CPNE5: variants seen among roughly 807,000 people sequenced by gnomAD.
The protein encoded by CPNE5 is copine-5.
In CPNE5, 42 loss-of-function variants were observed where a neutral mutation model predicts 81.1. The ratio of observed to expected loss-of-function variants is 0.52; its 90% confidence interval spans 0.40 to 0.67. The LOEUF is 0.67. Among genes scored for constraint, CPNE5 ranks in the 30% least tolerant of loss-of-function variants. The pLI, the probability that CPNE5 is intolerant of heterozygous loss-of-function variation, is 0.00. For synonymous variants in CPNE5, 313 were observed against 321.5 expected, an observed-to-expected ratio of 0.97 and a Z score of 0.28; for missense variants, 612 against 815.5, an observed-to-expected ratio of 0.75 and a Z score of 3.04.
At chr6:36,820,106 CAA>C (rs1011777201) in intron 3 of CPNE5, among the ~76,000 whole-genome samples, 2 of 152,186 alleles carry the variant, frequency 1.3e-5, no homozygotes, top group African/African-American at 4.8e-5. Context: ...CCCTCTTCTC[CAA>C]GAGAGAGGAG....
chr6:36,822,065 C>A, intron 3 of CPNE5, 49 bp downstream of exon 3: 1 of 1,473,062 alleles, frequency 6.8e-7, no homozygotes, highest in Non-Finnish European at 9.1e-7. Context: ...GACAGACAGG[C>A]AGACAGGAAC....
At chr6:36,760,631 G>T (rs1278388114) in intron 12 of CPNE5, among the ~76,000 whole-genome samples, 1 of 152,162 alleles carries the variant, frequency 6.6e-6, no homozygotes, top group Admixed American at 6.5e-5. Flanking sequence ...TGAGGGATGG[G>T]GAAGTTAAGT....
intron 3 of CPNE5, among the ~76,000 whole-genome samples, chr6:36,805,289 G>A (rs1413500270): frequency 1.3e-5 from 2 of 152,342 alleles, no homozygotes; most frequent in African/African-American, 4.8e-5. Context: ...GAGCAGGGGG[G>A]TTAACCCCTC....
rs73414224 is a variant in CPNE5 at position 36,751,281 on chromosome 6, T to C, written c.971+1753A>G. Reference sequence around the variant, plus strand: ...TCACAGCATCCAGCCCTTTAACTCATCAGTCTCCATCTTCATCCCACCCCA... The same window carrying C: ...TCACAGCATCCAGCCCTTTAACTCACCAGTCTCCATCTTCATCCCACCCCA... On this transcript the variant is annotated intron_variant, in intron 14 of 20. Transcript: ENST00000244751. Among the ~76,000 whole-genome samples, 1,324 of 152,320 alleles carry C rather than the reference T, an allele frequency of 8.7e-3. 12 individuals carry two copies. Among genetic ancestry groups the C allele is most frequent in the African/African-American group, 0.027 (1,102 of 41,562 alleles).
At chr6:36,800,270 A>T (rs764357501) in intron 3 of CPNE5, among the ~76,000 whole-genome samples, 200 bp from the exon 4 acceptor site, 1 of 152,188 alleles carries the variant, frequency 6.6e-6, no homozygotes, top group Non-Finnish European at 1.5e-5. Flanking sequence ...CATGTACAGT[A>T]TGGCTCCAAC....
rs550952766 is a variant in CPNE5 at position 36,746,757 on chromosome 6, TCTC to T, written c.1019-183_1019-181del. ...ACAGATCTAGAATCCCTCCTCCGCCTCTCCTCCTCCCCATACCACCACCCTCTT... is the reference window on the plus strand; with the variant it reads ...ACAGATCTAGAATCCCTCCTCCGCCTCTCCTCCCCATACCACCACCCTCTT... On this transcript the variant is annotated intron_variant, in intron 15 of 20. Transcript: ENST00000244751. This position sits in a 1 kb window ranked among gnomAD's most constrained non-coding sequence, Gnocchi z 4.5. Among the ~76,000 whole-genome samples the T allele has an allele frequency of 6.8e-4, 103 of 151,984 alleles. No individual in the cohort carries two copies. Among genetic ancestry groups the T allele is most frequent in the Middle Eastern group, 3.4e-3 (1 of 292 alleles).
chr6:36,834,408 C>T (rs1773275000), intron 1 of CPNE5, among the ~76,000 whole-genome samples: 4 of 151,764 alleles, frequency 2.6e-5, no homozygotes, highest in Admixed American at 2.6e-4. Flanking sequence ...GCAATCCCGG[C>T]AATTTGGAAG....
chr6:36,819,100 G>A (rs1204018913), intron 3 of CPNE5, among the ~76,000 whole-genome samples: 1 of 151,990 alleles, frequency 6.6e-6, no homozygotes, highest in Non-Finnish European at 1.5e-5. Flanking sequence ...CATTTTTTTT[G>A]TTTTTGTTTT....
At chr6:36,798,710 G>A (rs893524123) in intron 4 of CPNE5, among the ~76,000 whole-genome samples, 6 of 152,112 alleles carry the variant, frequency 3.9e-5, no homozygotes, top group Non-Finnish European at 2.9e-5. Context: ...GGGTGGAAAC[G>A]GATGTAAAAA....
chr6:36,756,111 C>CCA, intron 13 of CPNE5, 134 bp downstream of exon 13: 1 of 520,750 alleles, frequency 1.9e-6, no homozygotes. Context: ...CCTCCCCACC[C>CCA]CATCTCTCTT....
intron 3 of CPNE5, among the ~76,000 whole-genome samples, chr6:36,816,393 T>C (rs923798586): frequency 6.6e-6 from 1 of 152,200 alleles, no homozygotes; most frequent in Non-Finnish European, 1.5e-5. Context: ...ATGACCCAAA[T>C]GGTTAAAACC....
rs141266501 is a variant in CPNE5 at position 36,742,290 on chromosome 6, G to C, written c.1760C>G (p.Ser587Cys). The change falls in exon 21 of 21, where the codon TCC (serine) becomes TGC (cysteine). Residue 587 changes from serine (S) to cysteine (C), a missense_variant. Transcript: ENST00000244751. ...SQSPARTPPA[S>C]PLHTHI ...GGTTCAGATGTGCGTGTGCAGGGGG[G>C]ACGCAGGGGGCGTGCGGGCTGGGGA... 6 of 1,597,214 alleles carry C rather than the reference G, an allele frequency of 3.8e-6. No individual in the cohort carries two copies. The African/African-American group carries it at 8.0e-5, about 21-fold the overall frequency.
intron 7 of CPNE5, among the ~76,000 whole-genome samples, chr6:36,793,704 C>T (rs958914453): frequency 6.6e-6 from 1 of 152,300 alleles, no homozygotes; most frequent in African/African-American, 2.4e-5. Context: ...AGCATCCATG[C>T]TCTCCCTGGG....
chr6:36,834,795 A>C (rs1436788214), intron 1 of CPNE5, among the ~76,000 whole-genome samples: 1 of 152,096 alleles, frequency 6.6e-6, no homozygotes, highest in Non-Finnish European at 1.5e-5. Context: ...ACCTTAGTGT[A>C]TTCAATGGTT....
chr6:36,742,431 G>T lies in CPNE5; in HGVS notation c.1619C>A (p.Ala540Asp). Reference sequence around the variant, plus strand: ...TGCCAGCACGTCTCGGGCCAGGCGGGCCATGCTCAGCACGTGGTTGCCTGT... The same window carrying T: ...TGCCAGCACGTCTCGGGCCAGGCGGTCCATGCTCAGCACGTGGTTGCCTGT... ...DRTGNHVLSM[A>D]RLARDVLAEI... Residue 540 changes from alanine (A) to aspartate (D), a missense_variant, in exon 21 of 21, where the codon GCC (alanine) becomes GAC (aspartate). Coordinates refer to ENST00000244751, the MANE Select transcript of CPNE5 (RefSeq NM_020939.2). The T allele has an allele frequency of 1.9e-6, 3 of 1,613,536 alleles. No homozygotes were observed. Among genetic ancestry groups the T allele is most frequent in the Non-Finnish European group, 1.7e-6 (2 of 1,179,996 alleles).
intron 6 of CPNE5, among the ~76,000 whole-genome samples, chr6:36,797,304 C>T (rs577694598): frequency 3.3e-5 from 5 of 152,382 alleles, no homozygotes; most frequent in African/African-American, 1.2e-4. Flanking sequence ...GCCCTGTGGC[C>T]TGGATGCCTG....
chr6:36,793,663 A>C (rs1338358517), intron 7 of CPNE5, among the ~76,000 whole-genome samples: 1 of 150,868 alleles, frequency 6.6e-6, no homozygotes, highest in Non-Finnish European at 1.5e-5. Flanking sequence ...CTGCCTCCCC[A>C]GTTGCTGCTT....
At chr6:36,779,067 CG>C in intron 8 of CPNE5, 110 bp from the exon 9 acceptor site, 5 of 718,396 alleles carry the variant, frequency 7.0e-6, no homozygotes, top group Non-Finnish European at 1.2e-5. Context: ...TGGAATGCAC[CG>C]ACTAAGTGCC....
intron 13 of CPNE5, 74 bp from the exon 14 acceptor site, chr6:36,753,169 C>T (rs541916109): frequency 4.8e-6 from 6 of 1,244,492 alleles, no homozygotes; most frequent in African/African-American, 2.9e-5. Flanking sequence ...CGAGAGCTGA[C>T]ATTGACAGAA....
Sources: allele counts gnomAD v4.1 joint callset (sites outside exome capture counted in the v4.1 genomes callset), GRCh38; gene constraint gnomAD v4.1.1; non-coding constraint Gnocchi (gnomAD v3.1); transcripts MANE v1.5; gene names NCBI Gene and HGNC (gene_info 2026-07-23, HGNC 2026-07-21).